The following MYT1L variants were observed in gnomAD, a reference collection of about 807,000 sequenced individuals.
MYT1L encodes myelin transcription factor 1 like, also known as myelin transcription factor 1-like protein.
A neutral mutation model predicts 126.7 loss-of-function variants in MYT1L; 12 were observed. The ratio of observed to expected loss-of-function variants is 0.09; its 90% CI spans 0.06 to 0.15. MYT1L has a LOEUF of 0.15. Among genes scored for constraint, MYT1L ranks in the 10% least tolerant of loss-of-function variants. The pLI is 1.00. For synonymous variants in MYT1L, 541 were observed against 604.2 expected, an observed-to-expected ratio of 0.90 and a Z score of 1.53; for missense variants, 979 against 1,585.2, an observed-to-expected ratio of 0.62 and a Z score of 6.49.
intron 18 of MYT1L, among the ~76,000 whole-genome samples, chr2:1,865,019 T>C (rs1218664541): frequency 1.3e-5 from 2 of 152,182 alleles, no homozygotes; most frequent in Non-Finnish European, 1.5e-5. Flanking sequence ...CAGAGGATGC[T>C]GCTCTATGGG....
At chr2:1,935,238 A>C (rs1294210369) in intron 9 of MYT1L, among the ~76,000 whole-genome samples, 1 of 152,032 alleles carries the variant, frequency 6.6e-6, no homozygotes, top group African/African-American at 2.4e-5. Flanking sequence ...CCTCTTCCAT[A>C]CTGTATTATG....
intron 23 of MYT1L, 100 bp from the exon 24 acceptor site, chr2:1,792,564 T>TTTCTCCTTCAGCGAGAGGCCC: frequency 7.7e-7 from 1 of 1,303,640 alleles, no homozygotes; most frequent in Non-Finnish European, 1.0e-6. Flanking sequence ...AGAAGGGGCC[T>TTTCTCCTTCAGCGAGAGGCCC]CTCGCTGAAG....
At chr2:1,958,297 G>T (rs566136829) in intron 8 of MYT1L, among the ~76,000 whole-genome samples, 1 of 151,856 alleles carries the variant, frequency 6.6e-6, no homozygotes, top group Non-Finnish European at 1.5e-5. Context: ...GGATGAGGAG[G>T]TGGCTACTGC....
intron 14 of MYT1L, among the ~76,000 whole-genome samples, chr2:1,893,217 C>T (rs1316465179): frequency 6.6e-6 from 1 of 152,212 alleles, no homozygotes; most frequent in Non-Finnish European, 1.5e-5. Context: ...GACAATGTTT[C>T]AGTCCAGGAT....
chr2:2,295,583 G>C (rs796917423), intron 1 of MYT1L, among the ~76,000 whole-genome samples: 45 of 105,480 alleles, frequency 4.3e-4, no homozygotes, highest in African/African-American at 6.2e-4. Context: ...GAGAGAGAGA[G>C]ACAGACAGAC....
intron 4 of MYT1L, among the ~76,000 whole-genome samples, chr2:2,027,087 C>T (rs1275442377): frequency 1.3e-5 from 2 of 152,182 alleles, no homozygotes; most frequent in Non-Finnish European, 2.9e-5. Context: ...AGAGATGAGC[C>T]GTGCACAGCT....
intron 4 of MYT1L, 33 bp downstream of exon 4, chr2:2,053,945 C>T (rs982116024): frequency 9.2e-5 from 14 of 152,630 alleles, no homozygotes; most frequent in African/African-American, 3.4e-4. Context: ...GCATGTAAAG[C>T]TTAAAATATT....
intron 16 of MYT1L, among the ~76,000 whole-genome samples, chr2:1,888,709 T>C (rs1363233058): frequency 2.6e-5 from 4 of 152,254 alleles, no homozygotes; most frequent in Non-Finnish European, 5.9e-5. Context: ...GTTCTTGACA[T>C]AGATGTTTTA....
chr2:1,815,978 A>T (rs2037566208), intron 21 of MYT1L, among the ~76,000 whole-genome samples: 1 of 152,144 alleles, frequency 6.6e-6, no homozygotes, highest in African/African-American at 2.4e-5. Flanking sequence ...CCCATGGCAC[A>T]GTTATCTCTT....
At chr2:1,925,333 C>CACAAAA (rs2054083505) in intron 9 of MYT1L, among the ~76,000 whole-genome samples, 1 of 152,204 alleles carries the variant, frequency 6.6e-6, no homozygotes, top group African/African-American at 2.4e-5. Flanking sequence ...CACAAAAAGC[C>CACAAAA]TGCAGGGGGA....
At chr2:1,998,374 C>G (rs2062051120) in intron 4 of MYT1L, among the ~76,000 whole-genome samples, 1 of 152,176 alleles carries the variant, frequency 6.6e-6, no homozygotes, top group Non-Finnish European at 1.5e-5. Context: ...CAACAGGAAA[C>G]CAGAGCGTAG....
intron 1 of MYT1L, chr2:2,305,823 A>C (rs2095850265): frequency 6.6e-6 from 1 of 152,160 alleles, no homozygotes; most frequent in Non-Finnish European, 1.5e-5. Context: ...ACTCACTTAC[A>C]ATAACAGCAA....
rs1360926737 is a variant in MYT1L at position 1,859,775 on chromosome 2, G to GC, written c.2712-8073dup. Among the ~76,000 whole-genome samples the GC allele has an allele frequency of 2.0e-5, 3 of 152,326 alleles. No homozygotes were observed. In the East Asian group the frequency reaches 5.8e-4, roughly 29 times the overall value. The stretch of plus-strand genomic sequence containing the variant: ...GCACCACGTCCCATCCAGCCGCCCT[G>GC]CCCCCTGGCCCTGGTGCCCTGATAC... On this transcript the variant is annotated intron_variant, in intron 18 of 24. Coordinates refer to ENST00000647738, the MANE Select transcript of MYT1L (RefSeq NM_001303052.2).
chr2:1,836,332 T>TCCAAGATTCCATCAATGTGCACC (rs1439701549), intron 21 of MYT1L, among the ~76,000 whole-genome samples: 2 of 98,936 alleles, frequency 2.0e-5, no homozygotes, highest in Admixed American at 2.7e-4. Flanking sequence ...CAACGTGCAC[T>TCCAAGATTCCATCAATGTGCACC]CCAAGATTCC....
chr2:2,031,383 A>T (rs1321922115), intron 4 of MYT1L, among the ~76,000 whole-genome samples: 2 of 152,146 alleles, frequency 1.3e-5, no homozygotes, highest in Non-Finnish European at 2.9e-5. Flanking sequence ...GGAGGGCCTT[A>T]TACACACCCC....
At chr2:1,855,670 T>A (rs934224172) in intron 18 of MYT1L, among the ~76,000 whole-genome samples, 1 of 152,184 alleles carries the variant, frequency 6.6e-6, no homozygotes, top group Non-Finnish European at 1.5e-5. Context: ...TGGTTATATA[T>A]ACATATGTAT....
At chr2:2,009,807 G>A (rs2063651295) in intron 4 of MYT1L, among the ~76,000 whole-genome samples, 1 of 151,722 alleles carries the variant, frequency 6.6e-6, no homozygotes, top group African/African-American at 2.4e-5. Context: ...CAAAGTTTCA[G>A]TTGCTCCCTG....
intron 8 of MYT1L, among the ~76,000 whole-genome samples, chr2:1,956,387 A>G (rs2058390224): frequency 9.2e-6 from 1 of 108,912 alleles, no homozygotes; most frequent in Admixed American, 9.5e-5. Context: ...TATATTTCCT[A>G]TTCTTTCTAT....
chr2:2,072,474 C>T (rs770039024), intron 3 of MYT1L, among the ~76,000 whole-genome samples: 61 of 152,188 alleles, frequency 4.0e-4, no homozygotes, highest in Non-Finnish European at 7.6e-4. Flanking sequence ...GTCCTCAATT[C>T]TGCCAGAAAA....
Sources: allele counts gnomAD v4.1 joint callset (sites outside exome capture counted in the v4.1 genomes callset), GRCh38; gene constraint gnomAD v4.1.1; transcripts MANE v1.5; gene names NCBI Gene and HGNC (gene_info 2026-07-23, HGNC 2026-07-21).